The following MAP3K15 variants were observed in gnomAD, a reference collection of about 807,000 sequenced individuals.
MAP3K15 encodes MAPK/ERK kinase kinase 15.
In MAP3K15, 124 loss-of-function variants were observed where a neutral mutation model predicts 99.5. The ratio of observed to expected loss-of-function variants is 1.25; its 90% confidence interval spans 1.08 to 1.45. The LOEUF (loss-of-function observed/expected upper bound fraction) is 1.45, where lower values mean the gene tolerates loss of function less well. Ranked by LOEUF, MAP3K15 falls within the 40% of genes most tolerant of loss-of-function variation. MAP3K15 has a pLI of 0.00. For missense variants in MAP3K15, 1,242 were observed against 1,079.7 expected (o/e 1.15, Z -2.11); for synonymous variants, 494 against 439.6 (o/e 1.12, Z -1.55).
At chrX:19,489,072 A>G (rs1305793895) in intron 1 of MAP3K15, 105 bp from the exon 2 acceptor site, 33 of 743,740 alleles carry the variant, frequency 4.4e-5, no homozygotes, top group Non-Finnish European at 5.4e-5. Context: ...TATTTCTGTC[A>G]TCAGCCTGTT....
At chrX:19,467,196 T>C (rs2064174747) in intron 3 of MAP3K15, among the ~76,000 whole-genome samples, 1 of 110,867 alleles carries the variant, frequency 9.0e-6, no homozygotes, top group African/African-American at 3.3e-5. Context: ...GTTAGTAAGA[T>C]TCTGCAGCAT....
At chrX:19,376,474 C>T (rs930945161) in intron 19 of MAP3K15, among the ~76,000 whole-genome samples, 1 of 109,142 alleles carries the variant, frequency 9.2e-6, no homozygotes, top group African/African-American at 3.4e-5. Context: ...GAGACAGGGT[C>T]TCACTTGGTC....
chrX:19,371,515 G>A lies in MAP3K15; in HGVS notation c.3124C>T (p.His1042Tyr), dbSNP rs2063375710. Residue 1042 changes from histidine to tyrosine, a missense_variant, in exon 23 of 29, where the codon CAT becomes TAT. By Grantham distance (83) the His-to-Tyr change is moderately conservative. Coordinates refer to ENST00000338883, the MANE Select transcript of MAP3K15 (RefSeq NM_001001671.4). The part of the protein sequence containing the change: ...ECVAQSSEEL[H>Y]LSVGHIKQII... ...TGCTTGATGTGTCCAACTGAGAGAT[G>A]CAACTCTTCGGAACTCTGAAAACAC... The A allele has an allele frequency of 6.7e-6, 8 of 1,197,619 alleles. No homozygotes were observed. The highest frequency in any genetic ancestry group is 9.0e-6 in the Non-Finnish European group (8 of 885,959).
intron 3 of MAP3K15, among the ~76,000 whole-genome samples, chrX:19,471,666 T>A (rs1948766999): frequency 8.9e-6 from 1 of 111,906 alleles, no homozygotes; most frequent in African/African-American, 3.3e-5. Flanking sequence ...GTCAGTTAAC[T>A]TTGAAAGATA....
At chrX:19,465,305 C>A (rs769576202) in intron 3 of MAP3K15, among the ~76,000 whole-genome samples, 6 of 111,531 alleles carry the variant, frequency 5.4e-5, no homozygotes, top group Non-Finnish European at 1.1e-4. Flanking sequence ...AAACAGGTGA[C>A]GAGTCAATGT....
At chrX:19,497,587 G>A (rs893469380) in intron 1 of MAP3K15, 3 of 111,701 alleles carry the variant, frequency 2.7e-5, no homozygotes, top group African/African-American at 9.7e-5. Flanking sequence ...AATATTTGGT[G>A]GGATTTACTG....
At chrX:19,471,558 G>A (rs765168178) in intron 3 of MAP3K15, among the ~76,000 whole-genome samples, 119 of 110,914 alleles carry the variant, frequency 1.1e-3, no homozygotes, top group African/African-American at 3.7e-3. Context: ...CACCGTGCCC[G>A]GCCCCAGATA....
chrX:19,373,679 G>C lies in MAP3K15; in HGVS notation c.2790C>G (p.Val930=), dbSNP rs139451743. 2 of 1,199,663 alleles carry C rather than the reference G, an allele frequency of 1.7e-6. No homozygotes were observed. The highest frequency in any genetic ancestry group is 2.2e-6 in the Non-Finnish European group (2 of 894,161). The change falls in exon 21 of 29, where the codon GTC becomes GTG. Residue 930 remains valine (V), a synonymous_variant. Transcript: ENST00000338883. ...AFKPSEGPRG[V]VLALPTQGEP... is the part of the protein sequence containing the mutation. ...CTCCCTGTGTGGGCAGGGCCAGGAC[G>C]ACACCGCGGGGACCTTCTGTAGGGG...
At chrX:19,501,747 G>C (rs763247301) in intron 1 of MAP3K15, among the ~76,000 whole-genome samples, 1 of 111,942 alleles carries the variant, frequency 8.9e-6, no homozygotes, top group Non-Finnish European at 1.9e-5. Flanking sequence ...TTCGCTGTCT[G>C]GCAGAAGATC....
At chrX:19,374,989 G>A (rs2063407278) in intron 19 of MAP3K15, among the ~76,000 whole-genome samples, 1 of 110,425 alleles carries the variant, frequency 9.1e-6, no homozygotes, top group Admixed American at 9.6e-5. Flanking sequence ...CAGGAGGTAC[G>A]ACCCCGTGGA....
intron 9 of MAP3K15, among the ~76,000 whole-genome samples, chrX:19,422,105 A>G (rs2063792341): frequency 9.1e-6 from 1 of 110,287 alleles, no homozygotes; most frequent in South Asian, 3.8e-4. Context: ...AATACCATTC[A>G]GGACATAGGC....
At chrX:19,481,271 A>C (rs2064287950) in intron 3 of MAP3K15, among the ~76,000 whole-genome samples, 1 of 109,315 alleles carries the variant, frequency 9.1e-6, no homozygotes, top group African/African-American at 3.3e-5. Flanking sequence ...AAAGATGACA[A>C]GACAGTTTTT....
At chrX:19,367,436 G>A (rs1450282048) in intron 25 of MAP3K15, among the ~76,000 whole-genome samples, 1 of 76,961 alleles carries the variant, frequency 1.3e-5, no homozygotes, top group Non-Finnish European at 2.0e-5. Context: ...GTTTACCTGT[G>A]TAAAAAACCT....
chrX:19,386,117 G>T (rs925023088), intron 18 of MAP3K15, among the ~76,000 whole-genome samples: 5 of 111,890 alleles, frequency 4.5e-5, no homozygotes, highest in Admixed American at 9.5e-5. Flanking sequence ...GCATTGTGGG[G>T]CATCTGAATC....
At chrX:19,466,424 G>A (rs1232816693) in intron 3 of MAP3K15, among the ~76,000 whole-genome samples, 2 of 111,064 alleles carry the variant, frequency 1.8e-5, no homozygotes, top group Admixed American at 1.9e-4. Context: ...CTGATAGTGA[G>A]TGAGTTCTCA....
At chrX:19,460,236 C>T (rs1021593043) in intron 4 of MAP3K15, 83 bp from the exon 5 acceptor site, 60 of 727,140 alleles carry the variant, frequency 8.3e-5, no homozygotes, top group Non-Finnish European at 1.0e-4. Flanking sequence ...TTCTCATTGA[C>T]CTGACTTAGG....
Position 19,456,950 on chromosome X carries a change from G to C in MAP3K15, c.958C>G (p.His320Asp). ...AACGCATAGTGGAATTTAATGTTAT[G>C]CTGATCGGCCAAATCACACGTAGGC... ...MLPTCDLADQ[H>D]NIKFHYAFAL... is the part of the protein sequence containing the mutation. Residue 320 changes from histidine to aspartate, a missense_variant, in exon 6 of 29, where the codon CAT (histidine) becomes GAT (aspartate). Transcript: ENST00000338883. 9 of 1,198,580 alleles carry C rather than the reference G, an allele frequency of 7.5e-6. No individual in the cohort carries two copies. The highest frequency in any genetic ancestry group is 1.0e-5 in the Non-Finnish European group (9 of 893,856).
intron 25 of MAP3K15, among the ~76,000 whole-genome samples, chrX:19,367,288 C>T (rs143257495): frequency 1.4e-3 from 153 of 110,662 alleles, no homozygotes; most frequent in African/African-American, 4.8e-3. Flanking sequence ...AACATATGGA[C>T]ACATAGAGGG....
intron 1 of MAP3K15, among the ~76,000 whole-genome samples, chrX:19,506,084 C>G (rs1230480212): frequency 2.7e-5 from 3 of 111,383 alleles, no homozygotes; most frequent in Non-Finnish European, 5.7e-5. Context: ...AGGTGCCTGC[C>G]ACAACGCCCA....
Sources: allele counts gnomAD v4.1 joint callset (sites outside exome capture counted in the v4.1 genomes callset), GRCh38; gene constraint gnomAD v4.1.1; transcripts MANE v1.5; gene names NCBI Gene and HGNC (gene_info 2026-07-23, HGNC 2026-07-21).